CEP63: variants seen among roughly 807,000 people sequenced by gnomAD.
CEP63 encodes centrosomal protein of 63 kDa.
CEP63 carries 84 observed loss-of-function variants against 89.1 expected under a neutral mutation model. The observed-to-expected ratio is 0.94, with a 90% CI of 0.79 to 1.13. CEP63 has a LOEUF of 1.13. Among genes scored for constraint, CEP63 ranks in the 50% most tolerant of loss-of-function variants. The probability of loss-of-function intolerance (pLI) is 0.00; values close to 1 mark genes in which losing one functional copy is unlikely to be tolerated. For missense variants in CEP63, 838 were observed against 813.3 expected (o/e 1.03, Z -0.37); for synonymous variants, 267 against 272.5 (o/e 0.98, Z 0.20).
chr3:134,597,003 C>T, the CEP63 span, among the ~76,000 whole-genome samples: 468 of 152,168 alleles, frequency 3.1e-3, 1 homozygote, highest in African/African-American at 0.011. Flanking sequence ...GTATAAAGCA[C>T]GCTGGTGGGA....
At chr3:134,637,495 A>T in the CEP63 span, among the ~76,000 whole-genome samples, 1 of 152,172 alleles carries the variant, frequency 6.6e-6, no homozygotes, top group African/African-American at 2.4e-5. Context: ...GTAGTAAAGA[A>T]CTCTATTTGA....
chr3:134,662,819 T>G, the CEP63 span, among the ~76,000 whole-genome samples: 1 of 152,148 alleles, frequency 6.6e-6, no homozygotes, highest in Non-Finnish European at 1.5e-5. Context: ...AAGGAGGTGG[T>G]GGGCATGCAC....
At chr3:134,738,568 T>C in the CEP63 span, among the ~76,000 whole-genome samples, 3 of 151,762 alleles carry the variant, frequency 2.0e-5, no homozygotes, top group Non-Finnish European at 4.4e-5. Context: ...AGTTAAGCTA[T>C]GAGGACACAA....
the CEP63 span, among the ~76,000 whole-genome samples, chr3:134,769,630 A>G: frequency 2.0e-5 from 3 of 152,222 alleles, no homozygotes; most frequent in Non-Finnish European, 4.4e-5. Flanking sequence ...ATGGTTAATA[A>G]TTACTCTGAA....
intron 3 of CEP63, among the ~76,000 whole-genome samples, chr3:134,520,399 T>C (rs1302912656): frequency 6.6e-6 from 1 of 152,154 alleles, no homozygotes; most frequent in Non-Finnish European, 1.5e-5. Context: ...CTCTAAATTA[T>C]GGAGAGAAAT....
At chr3:134,700,049 C>T in the CEP63 span, among the ~76,000 whole-genome samples, 5 of 152,224 alleles carry the variant, frequency 3.3e-5, no homozygotes, top group African/African-American at 4.8e-5. Context: ...CAAGAGTGAG[C>T]GCCTCCTTAC....
chr3:134,724,029 A>G, the CEP63 span, among the ~76,000 whole-genome samples: 1 of 152,134 alleles, frequency 6.6e-6, no homozygotes, highest in South Asian at 2.1e-4. Context: ...AGGTTTTTCC[A>G]ACTCTTTATT....
the CEP63 span, among the ~76,000 whole-genome samples, chr3:134,606,112 A>G: frequency 6.6e-6 from 1 of 152,166 alleles, no homozygotes; most frequent in African/African-American, 2.4e-5. Context: ...CTCAGTGGGC[A>G]GAAGCTACCT....
chr3:134,709,164 A>G, the CEP63 span, among the ~76,000 whole-genome samples: 2 of 152,194 alleles, frequency 1.3e-5, no homozygotes, highest in Non-Finnish European at 2.9e-5. Flanking sequence ...AGAGCTTCCC[A>G]TGAGAGAGGA....
At chr3:134,571,807 C>A (rs1248427400) in intron 11 of CEP63, among the ~76,000 whole-genome samples, 1 of 152,186 alleles carries the variant, frequency 6.6e-6, no homozygotes, top group African/African-American at 2.4e-5. Context: ...ATATGCACTT[C>A]TTTGTTAACT....
chr3:134,702,914 C>A, the CEP63 span, among the ~76,000 whole-genome samples: 1 of 152,112 alleles, frequency 6.6e-6, no homozygotes, highest in Non-Finnish European at 1.5e-5. Context: ...TGTGGCAATT[C>A]CTCAAAGACC....
At position 134,547,334 on chromosome 3, in the gene CEP63, G is replaced by A. The variant is rs867015582; in HGVS notation, c.930-1G>A. 18 of 1,613,184 alleles carry A rather than the reference G, an allele frequency of 1.1e-5. No individual in the cohort carries two copies. Among genetic ancestry groups the A allele is most frequent in the Middle Eastern group, 3.3e-4 (2 of 6,082 alleles). ...AACAATCATCCTATGTCTTTCCATA[G>A]GCCACGGGAAGAATCTCTGGCAGAA... On this transcript the variant is annotated splice_acceptor_variant, in intron 8 of 14. Transcript: ENST00000675561. LOFTEE classifies it high-confidence loss of function.
intron 2 of CEP63, among the ~76,000 whole-genome samples, chr3:134,499,516 T>G (rs1941305866): frequency 6.6e-6 from 1 of 152,216 alleles, no homozygotes; most frequent in Admixed American, 6.5e-5. Context: ...TGTTTATTTC[T>G]GATCTGATCT....
intron 10 of CEP63, among the ~76,000 whole-genome samples, chr3:134,586,909 T>C (rs1468244773): frequency 1.3e-5 from 2 of 152,222 alleles, no homozygotes; most frequent in African/African-American, 4.8e-5. Flanking sequence ...CTTTTTTCTC[T>C]AATCTTATCT....
At chr3:134,663,979 G>A in the CEP63 span, among the ~76,000 whole-genome samples, 1 of 152,322 alleles carries the variant, frequency 6.6e-6, no homozygotes, top group Non-Finnish European at 1.5e-5. Flanking sequence ...AGCAGGGCTT[G>A]GGGAGAGCTT....
the CEP63 span, among the ~76,000 whole-genome samples, chr3:134,602,831 T>A: frequency 6.6e-6 from 1 of 152,204 alleles, no homozygotes; most frequent in Non-Finnish European, 1.5e-5. Flanking sequence ...ACAGTGTCCC[T>A]CCCACCTGCA....
the CEP63 span, among the ~76,000 whole-genome samples, chr3:134,757,239 T>G: frequency 6.6e-6 from 1 of 152,206 alleles, no homozygotes; most frequent in South Asian, 2.1e-4. Context: ...CCAGGGTTTG[T>G]GGCTGAGCAT....
Position 134,507,201 on chromosome 3 carries a change from G to A in CEP63, c.137G>A (p.Arg46His), listed in dbSNP as rs746013577. 143 of 1,613,278 alleles carry A rather than the reference G, an allele frequency of 8.9e-5. No individual in the cohort carries two copies. Among genetic ancestry groups the A allele is most frequent in the Non-Finnish European group, 8.5e-5 (100 of 1,179,560 alleles). The change falls in exon 3 of 15, where the codon CGT (arginine) becomes CAT (histidine). Residue 46 changes from arginine (R) to histidine (H), a missense_variant. Coordinates refer to ENST00000675561, the MANE Select transcript of CEP63 (RefSeq NM_001353108.3). Reference protein sequence around the residue: ...VAHKKSEWEGRTHALETCLKI... With the variant: ...VAHKKSEWEGHTHALETCLKI... ...CATAAAAAATCTGAATGGGAAGGAC[G>A]TACACATGCTCTAGAAACTTGCTTG...
chr3:134,722,025 T>G, the CEP63 span, among the ~76,000 whole-genome samples: 1 of 152,188 alleles, frequency 6.6e-6, no homozygotes, highest in Admixed American at 6.5e-5. Flanking sequence ...TTCTAAGTTT[T>G]AAGAGTTTGT....
Sources: gnomAD v4.1 joint callset for allele counts (sites outside exome capture counted in the v4.1 genomes callset) on GRCh38, gnomAD v4.1.1 for gene constraint, MANE v1.5 for transcripts, NCBI Gene and HGNC (gene_info 2026-07-23, HGNC 2026-07-21) for gene names.